Variants in CCSER1 observed in about 807,000 individuals in gnomAD.
CCSER1 encodes serine-rich coiled-coil domain-containing protein 1.
CCSER1 carries 41 observed loss-of-function variants against 82.0 expected under a neutral mutation model. The ratio of observed to expected loss-of-function variants is 0.50; its 90% CI spans 0.39 to 0.65. CCSER1 has a LOEUF of 0.65. CCSER1 is among the 30% of genes least tolerant of loss of function. CCSER1 has a pLI of 0.00. For missense variants in CCSER1, 1,119 were observed against 1,064.2 expected, an observed-to-expected ratio of 1.05 and a Z score of -0.72; for synonymous variants, 414 against 383.9, an observed-to-expected ratio of 1.08 and a Z score of -0.92.
chr4:91,352,954 TAGAC>T (rs1033342887), intron 10 of CCSER1, among the ~76,000 whole-genome samples: 4 of 151,884 alleles, frequency 2.6e-5, no homozygotes, highest in South Asian at 4.2e-4. Flanking sequence ...TTGAAAAAAA[TAGAC>T]AGTGTATGGG....
chr4:91,450,672 G>A (rs961847878), intron 10 of CCSER1, among the ~76,000 whole-genome samples: 1 of 151,972 alleles, frequency 6.6e-6, no homozygotes, highest in Non-Finnish European at 1.5e-5. Flanking sequence ...AGTTAGTTAA[G>A]GTGGCTGTAA....
At chr4:91,400,836 A>T (rs1009094283) in intron 10 of CCSER1, among the ~76,000 whole-genome samples, 6 of 151,910 alleles carry the variant, frequency 3.9e-5, no homozygotes, top group Admixed American at 2.0e-4. Context: ...GTACCATTTT[A>T]TCCCCCTGAA....
intron 10 of CCSER1, among the ~76,000 whole-genome samples, chr4:91,114,952 T>A (rs1366622187): frequency 6.6e-6 from 1 of 152,204 alleles, no homozygotes; most frequent in Non-Finnish European, 1.5e-5. Context: ...CTCCTTCTCT[T>A]AATATTTTAT....
chr4:90,906,067 C>T (rs542230945), intron 8 of CCSER1, among the ~76,000 whole-genome samples: 2 of 152,218 alleles, frequency 1.3e-5, no homozygotes, highest in East Asian at 3.9e-4. Context: ...TTAAGTCCAG[C>T]TTTAAATGTC....
At chr4:90,210,752 T>C (rs1739830251) in intron 1 of CCSER1, among the ~76,000 whole-genome samples, 1 of 152,220 alleles carries the variant, frequency 6.6e-6, no homozygotes, top group Non-Finnish European at 1.5e-5. Flanking sequence ...GCCTGGCGTC[T>C]GCTATCATTT....
intron 1 of CCSER1, among the ~76,000 whole-genome samples, chr4:90,278,083 C>T (rs1410756326): frequency 3.3e-5 from 5 of 151,594 alleles, no homozygotes; most frequent in Admixed American, 3.3e-4. Context: ...AAAAAATGCT[C>T]ATCATCATCA....
At chr4:91,497,566 A>G (rs1348801654) in intron 10 of CCSER1, among the ~76,000 whole-genome samples, 2 of 151,854 alleles carry the variant, frequency 1.3e-5, no homozygotes, top group Non-Finnish European at 2.9e-5. Context: ...TGGCTTTACA[A>G]GAGTTTTTGA....
At chr4:91,037,473 C>A (rs1403606694) in intron 9 of CCSER1, among the ~76,000 whole-genome samples, 1 of 152,170 alleles carries the variant, frequency 6.6e-6, no homozygotes, top group Non-Finnish European at 1.5e-5. Flanking sequence ...GAGGACAAAG[C>A]AATCTATTTT....
At chr4:90,644,739 T>G (rs1727187232) in intron 6 of CCSER1, among the ~76,000 whole-genome samples, 1 of 151,980 alleles carries the variant, frequency 6.6e-6, no homozygotes. Flanking sequence ...TGTGCCTGCA[T>G]AAGTTTGCTG....
intron 5 of CCSER1, among the ~76,000 whole-genome samples, chr4:90,525,459 C>T (rs1484571821): frequency 6.6e-6 from 1 of 151,938 alleles, no homozygotes; most frequent in Non-Finnish European, 1.5e-5. Context: ...AATAGTAATG[C>T]TTCAGGCTCA....
chr4:91,102,847 A>C (rs1725216736), intron 10 of CCSER1, among the ~76,000 whole-genome samples: 1 of 152,342 alleles, frequency 6.6e-6, no homozygotes, highest in Middle Eastern at 3.4e-3. Flanking sequence ...TTCATATCCA[A>C]ATGAGGTTGA....
At position 91,145,003 on chromosome 4, in the gene CCSER1, G is replaced by A. The variant is rs966347647; in HGVS notation, c.2217+59009G>A. On this transcript the variant is annotated intron_variant, in intron 10 of 10. Coordinates refer to ENST00000509176, the MANE Select transcript of CCSER1 (RefSeq NM_001145065.2). ...TGGTCAAGTTTTGAATTTAAGTTCAGTATTTCTTTGTTAGTTTTCTGCCTT... is the reference window on the plus strand; with the variant it reads ...TGGTCAAGTTTTGAATTTAAGTTCAATATTTCTTTGTTAGTTTTCTGCCTT... Among the ~76,000 whole-genome samples, 14 of 152,142 alleles carry A rather than the reference G, an allele frequency of 9.2e-5. No homozygotes were observed. In the East Asian group the frequency reaches 2.7e-3, roughly 29 times the overall value.
intron 10 of CCSER1, among the ~76,000 whole-genome samples, chr4:91,265,293 A>G (rs1253789947): frequency 1.3e-5 from 2 of 152,126 alleles, no homozygotes; most frequent in Non-Finnish European, 2.9e-5. Flanking sequence ...GATTTATACA[A>G]TCATAAACTA....
At chr4:90,802,855 C>T (rs1262943035) in intron 7 of CCSER1, among the ~76,000 whole-genome samples, 1 of 151,914 alleles carries the variant, frequency 6.6e-6, no homozygotes, top group African/African-American at 2.4e-5. Context: ...TGTGTTTTCT[C>T]ATCTCTGACC....
At chr4:91,477,890 A>G (rs1305483677) in intron 10 of CCSER1, among the ~76,000 whole-genome samples, 3 of 151,802 alleles carry the variant, frequency 2.0e-5, no homozygotes, top group Non-Finnish European at 4.4e-5. Context: ...TAGAGGGCAT[A>G]TGGTTCCTAC....
At chr4:91,367,004 A>G (rs1749658453) in intron 10 of CCSER1, among the ~76,000 whole-genome samples, 1 of 151,968 alleles carries the variant, frequency 6.6e-6, no homozygotes, top group African/African-American at 2.4e-5. Context: ...AAAAGTCAAA[A>G]TATTAAGAGC....
At chr4:90,756,910 G>A (rs917870961) in intron 7 of CCSER1, among the ~76,000 whole-genome samples, 1 of 152,144 alleles carries the variant, frequency 6.6e-6, no homozygotes. Context: ...AAGGAACACA[G>A]AGGAGGCTTA....
chr4:91,512,768 G>A (rs1759894995), intron 10 of CCSER1, among the ~76,000 whole-genome samples: 1 of 152,060 alleles, frequency 6.6e-6, no homozygotes, highest in Non-Finnish European at 1.5e-5. Context: ...TAGCTTGAAT[G>A]TTATTGATGT....
At chr4:90,553,064 G>C (rs915046891) in intron 5 of CCSER1, among the ~76,000 whole-genome samples, 1 of 150,942 alleles carries the variant, frequency 6.6e-6, no homozygotes, top group Non-Finnish European at 1.5e-5. Flanking sequence ...TCCACCTCCC[G>C]GGTTCAAGAG....
Sources: allele counts gnomAD v4.1 joint callset (sites outside exome capture counted in the v4.1 genomes callset), GRCh38; gene constraint gnomAD v4.1.1; transcripts MANE v1.5; gene names NCBI Gene and HGNC (gene_info 2026-07-23, HGNC 2026-07-21).